NELL2: variants seen among roughly 807,000 people sequenced by gnomAD.
The protein encoded by NELL2 is protein kinase C-binding protein NELL2.
In NELL2, 41 loss-of-function variants were observed where a neutral mutation model predicts 109.6. The observed-to-expected ratio is 0.37, with a 90% CI of 0.29 to 0.49. The LOEUF (loss-of-function observed/expected upper bound fraction) is 0.49. NELL2 is among the 20% of genes least tolerant of loss of function. The pLI, the probability that NELL2 is intolerant of heterozygous loss-of-function variation, is 0.98. For missense variants in NELL2, 900 were observed against 1,008.3 expected, an observed-to-expected ratio of 0.89 and a Z score of 1.45; for synonymous variants, 355 against 344.7, an observed-to-expected ratio of 1.03 and a Z score of -0.33.
At chr12:44,552,334 A>T (rs1162102863) in intron 15 of NELL2, among the ~76,000 whole-genome samples, 3 of 152,282 alleles carry the variant, frequency 2.0e-5, no homozygotes, top group East Asian at 1.9e-4. Flanking sequence ...ATTTTTAAAG[A>T]TGATACTAAA....
At chr12:44,857,268 A>G (rs1272666964) in intron 2 of NELL2, among the ~76,000 whole-genome samples, 2 of 152,238 alleles carry the variant, frequency 1.3e-5, no homozygotes. Context: ...GAGAACCTAC[A>G]TTCTCATTAA....
chr12:44,795,372 C>T (rs942780215), intron 3 of NELL2, among the ~76,000 whole-genome samples: 2 of 152,142 alleles, frequency 1.3e-5, no homozygotes, highest in African/African-American at 4.8e-5. Context: ...ACAGCTCAGC[C>T]TCTCACTACT....
intron 1 of NELL2, among the ~76,000 whole-genome samples, chr12:44,919,687 G>T (rs140107276): frequency 1.3e-5 from 2 of 152,264 alleles, no homozygotes; most frequent in African/African-American, 4.8e-5. Flanking sequence ...AACACTGGAA[G>T]CTAGGAAAGA....
At chr12:44,697,677 C>A (rs933521332) in intron 12 of NELL2, among the ~76,000 whole-genome samples, 1 of 152,016 alleles carries the variant, frequency 6.6e-6, no homozygotes, top group African/African-American at 2.4e-5. Context: ...TAATTATATG[C>A]ACACAATAAA....
chr12:44,547,012 CT>C (rs140709282), intron 15 of NELL2, among the ~76,000 whole-genome samples: 1 of 151,894 alleles, frequency 6.6e-6, no homozygotes, highest in Non-Finnish European at 1.5e-5. Context: ...ACACACAAAC[CT>C]TTTTTTTAAA....
chr12:44,627,702 A>T (rs991504517), intron 13 of NELL2, among the ~76,000 whole-genome samples: 1 of 152,196 alleles, frequency 6.6e-6, no homozygotes, highest in South Asian at 2.1e-4. Context: ...CCTTTCTTAA[A>T]AAAAAACAAG....
chr12:44,654,412 G>C (rs17651646), intron 13 of NELL2, among the ~76,000 whole-genome samples: 1 of 152,096 alleles, frequency 6.6e-6, no homozygotes, highest in Admixed American at 6.5e-5. Flanking sequence ...AATACTCATC[G>C]TTTGTGGTAG....
At chr12:44,650,673 G>C (rs1444806137) in intron 13 of NELL2, among the ~76,000 whole-genome samples, 2 of 152,046 alleles carry the variant, frequency 1.3e-5, no homozygotes, top group African/African-American at 4.8e-5. Context: ...AAGTAATTAA[G>C]GTTAAATAAA....
intron 15 of NELL2, among the ~76,000 whole-genome samples, chr12:44,545,296 T>G (rs1395712689): frequency 1.3e-5 from 2 of 152,076 alleles, no homozygotes; most frequent in Non-Finnish European, 2.9e-5. Flanking sequence ...TTATTCATGT[T>G]AAGTATTTGA....
At chr12:44,896,974 T>C (rs907850176) in intron 1 of NELL2, among the ~76,000 whole-genome samples, 3 of 152,186 alleles carry the variant, frequency 2.0e-5, no homozygotes, top group Non-Finnish European at 4.4e-5. Flanking sequence ...AGGAGTGACT[T>C]AATCGAAGGG....
intron 2 of NELL2, among the ~76,000 whole-genome samples, chr12:44,871,770 G>A (rs927926615): frequency 2.0e-5 from 3 of 152,134 alleles, no homozygotes; most frequent in African/African-American, 7.2e-5. Flanking sequence ...AAGAGGAGAC[G>A]TACGACCTTT....
intron 13 of NELL2, among the ~76,000 whole-genome samples, chr12:44,621,861 G>GT (rs1458015159): frequency 4.6e-5 from 7 of 152,116 alleles, no homozygotes; most frequent in Admixed American, 2.0e-4. Context: ...CTTTCATAGA[G>GT]TTGTGAGGCT....
chr12:44,655,381 G>A (rs1392300698), intron 13 of NELL2, among the ~76,000 whole-genome samples: 5 of 152,190 alleles, frequency 3.3e-5, no homozygotes, highest in Non-Finnish European at 5.9e-5. Context: ...GTTGAAGCTG[G>A]TGTGCTTCCC....
intron 15 of NELL2, among the ~76,000 whole-genome samples, chr12:44,547,734 T>A (rs1942858301): frequency 6.6e-6 from 1 of 152,152 alleles, no homozygotes; most frequent in South Asian, 2.1e-4. Flanking sequence ...TCATCTCATC[T>A]CCCATTGTAC....
intron 1 of NELL2, among the ~76,000 whole-genome samples, chr12:44,890,359 T>A (rs1166489512): frequency 6.6e-6 from 1 of 152,190 alleles, no homozygotes; most frequent in Non-Finnish European, 1.5e-5. Flanking sequence ...TAGGATCATA[T>A]AATAGAAAAG....
intron 15 of NELL2, among the ~76,000 whole-genome samples, chr12:44,534,639 C>T (rs959365084): frequency 7.9e-5 from 12 of 152,028 alleles, no homozygotes; most frequent in South Asian, 4.1e-4. Context: ...TTCTTCTAAC[C>T]GCAATGATGT....
At chr12:44,651,642 A>G (rs1947302320) in intron 13 of NELL2, among the ~76,000 whole-genome samples, 1 of 152,216 alleles carries the variant, frequency 6.6e-6, no homozygotes, top group African/African-American at 2.4e-5. Flanking sequence ...AATATGACTC[A>G]TAAAGAAGAC....
intron 12 of NELL2, among the ~76,000 whole-genome samples, chr12:44,684,581 T>A (rs1234786373): frequency 2.0e-5 from 3 of 152,242 alleles, no homozygotes; most frequent in African/African-American, 2.4e-5. Flanking sequence ...CTCTACACAC[T>A]GCTTTGAATG....
chr12:44,644,605 T>TATATATATATATATATATACATAC (rs1491198315), intron 13 of NELL2, among the ~76,000 whole-genome samples: 33 of 81,162 alleles, frequency 4.1e-4, no homozygotes, highest in African/African-American at 2.3e-3. Context: ...TATATATATG[T>TATATATATATATATATATACATAC]ATGTATATAT....
Sources: gnomAD v4.1 joint callset for allele counts (sites outside exome capture counted in the v4.1 genomes callset) on GRCh38, gnomAD v4.1.1 for gene constraint, MANE v1.5 for transcripts, NCBI Gene and HGNC (gene_info 2026-07-23, HGNC 2026-07-21) for gene names.